NETO1: variants seen among roughly 807,000 people sequenced by gnomAD.
The protein encoded by NETO1 is neuropilin and tolloid like 1.
A neutral mutation model predicts 61.3 loss-of-function variants in NETO1; 26 were observed. That is an observed-to-expected ratio of 0.42 (90% CI 0.31 to 0.59). The LOEUF (loss-of-function observed/expected upper bound fraction) is 0.59, where lower values mean the gene tolerates loss of function less well. Ranked by LOEUF, NETO1 falls within the 20% of genes least tolerant of loss-of-function variation. The pLI, the probability that NETO1 is intolerant of heterozygous loss-of-function variation, is 0.12. For missense variants in NETO1, 531 were observed against 662.8 expected (o/e 0.80, Z 2.18); for synonymous variants, 225 against 225.8 (o/e 1.00, Z 0.03).
Position 72,858,821 on chromosome 18 carries a change from C to T in NETO1, c.469+5G>A. On this transcript the variant is annotated splice_donor_5th_base_variant and intron_variant, in intron 4 of 10. Coordinates refer to ENST00000327305, the MANE Select transcript of NETO1 (RefSeq NM_138966.5). The stretch of plus-strand genomic sequence containing the variant: ...AAGAAATTTTTTTTTTAAGTACTTA[C>T]TTACCAGGTGTGAAATTGTATCGAG... 1 of 1,597,362 alleles carries T rather than the reference C, an allele frequency of 6.3e-7. No homozygotes were observed. Among genetic ancestry groups the T allele is most frequent in the Non-Finnish European group, 8.5e-7 (1 of 1,174,334 alleles).
At chr18:72,773,666 G>T (rs949065085) in intron 7 of NETO1, among the ~76,000 whole-genome samples, 15 of 152,072 alleles carry the variant, frequency 9.9e-5, no homozygotes, top group African/African-American at 3.6e-4. Context: ...TTATTCTACT[G>T]GCATGCATTC....
chr18:72,820,210 G>A (rs1599071005), intron 4 of NETO1, among the ~76,000 whole-genome samples: 1 of 152,142 alleles, frequency 6.6e-6, no homozygotes, highest in East Asian at 1.9e-4. Flanking sequence ...ATGAGAGGAG[G>A]ACGAATAATT....
At chr18:72,774,872 G>A (rs897054795) in intron 7 of NETO1, among the ~76,000 whole-genome samples, 1 of 152,164 alleles carries the variant, frequency 6.6e-6, no homozygotes, top group African/African-American at 2.4e-5. Flanking sequence ...TGATTCAAAT[G>A]CAAAGTGCCA....
At chr18:72,827,967 A>G (rs1307729525) in intron 4 of NETO1, among the ~76,000 whole-genome samples, 2 of 152,198 alleles carry the variant, frequency 1.3e-5, no homozygotes, top group Non-Finnish European at 2.9e-5. Context: ...CAGAAACAGA[A>G]CAAGCCATAT....
rs778992621 is a variant in NETO1, at chr18:72,783,819, C to T, written c.727G>A (p.Val243Met). 7.4e-6 allele frequency: 12 copies of T among 1,614,046 alleles called. No individual in the cohort carries two copies. Among genetic ancestry groups the T allele is most frequent in the Admixed American group, 1.7e-5 (1 of 60,000 alleles). The change falls in exon 7 of 11, where the codon GTG (valine) becomes ATG (methionine). Residue 243 changes from valine to methionine, a missense_variant. Physicochemically the swap from Val to Met is conservative, Grantham distance 21. Coordinates refer to ENST00000327305, the MANE Select transcript of NETO1 (RefSeq NM_138966.5). Reference sequence around the variant, plus strand: ...CAGAACTTAGCTTTCAAATCCTCCACGGAACTGCTTCCATCATACACAGCC... The same window carrying T: ...CAGAACTTAGCTTTCAAATCCTCCATGGAACTGCTTCCATCATACACAGCC... ...FVAVYDGSSS[V>M]EDLKAKFCST...
At chr18:72,767,004 C>T (rs2071188316) in intron 7 of NETO1, among the ~76,000 whole-genome samples, 1 of 152,032 alleles carries the variant, frequency 6.6e-6, no homozygotes, top group South Asian at 2.1e-4. Context: ...ACTATTAGGC[C>T]CTGGACATGT....
chr18:72,803,474 G>A (rs904297773), intron 4 of NETO1, among the ~76,000 whole-genome samples: 1 of 152,148 alleles, frequency 6.6e-6, no homozygotes, highest in African/African-American at 2.4e-5. Context: ...GCTATCACTT[G>A]TTGAGCTTTG....
At chr18:72,859,204 A>G (rs2074496137) in intron 3 of NETO1, 130 bp from the exon 4 acceptor site, 1 of 897,798 alleles carries the variant, frequency 1.1e-6, no homozygotes, top group Non-Finnish European at 1.6e-6. Context: ...TAGAAATATA[A>G]AGAAAGCATA....
Position 72,794,164 on chromosome 18 carries a change from C to G in NETO1, c.592G>C (p.Glu198Gln), listed in dbSNP as rs762980649. The part of the protein sequence containing the change: ...IMKEGKATAS[E>Q]AVDCKWYIRA... ...ATGTACCACTTGCAATCAACAGCCTCGCTAGCAGTAGCTTTGCCTTCCTTC... is the reference window on the plus strand; with the variant it reads ...ATGTACCACTTGCAATCAACAGCCTGGCTAGCAGTAGCTTTGCCTTCCTTC... The change falls in exon 6 of 11, where the codon GAG becomes CAG. Residue 198 changes from glutamate to glutamine, a missense_variant. Coordinates refer to ENST00000327305, the MANE Select transcript of NETO1 (RefSeq NM_138966.5). The G allele has an allele frequency of 6.2e-7, 1 of 1,614,150 alleles. No individual in the cohort carries two copies. Among genetic ancestry groups the G allele is most frequent in the Non-Finnish European group, 8.5e-7 (1 of 1,180,022 alleles).
intron 4 of NETO1, among the ~76,000 whole-genome samples, chr18:72,810,586 C>A (rs1346178555): frequency 6.6e-6 from 1 of 152,222 alleles, no homozygotes; most frequent in African/African-American, 2.4e-5. Context: ...CTTCTTTCCA[C>A]TGGCATTTAG....
intron 3 of NETO1, among the ~76,000 whole-genome samples, chr18:72,863,880 T>C (rs2074655178): frequency 1.3e-5 from 2 of 152,100 alleles, no homozygotes; most frequent in South Asian, 4.1e-4. Context: ...ACTGAAAACT[T>C]CCATCACCAG....
chr18:72,800,802 A>T (rs551728665), intron 4 of NETO1, among the ~76,000 whole-genome samples: 37 of 152,232 alleles, frequency 2.4e-4, no homozygotes, highest in African/African-American at 8.4e-4. Flanking sequence ...ACTGAATTTA[A>T]CATGTCTCTT....
chr18:72,781,582 A>G (rs190774599), intron 7 of NETO1, among the ~76,000 whole-genome samples: 1 of 152,348 alleles, frequency 6.6e-6, no homozygotes, highest in Non-Finnish European at 1.5e-5. Flanking sequence ...AGACTTAGAA[A>G]GACTGAGTGA....
At chr18:72,813,686 A>C in intron 4 of NETO1, among the ~76,000 whole-genome samples, 1 of 152,324 alleles carries the variant, frequency 6.6e-6, no homozygotes, top group South Asian at 2.1e-4. Context: ...GACAGATTTA[A>C]TAAGACTATA....
At chr18:72,753,805 C>A (rs2070702067) in intron 8 of NETO1, among the ~76,000 whole-genome samples, 1 of 152,006 alleles carries the variant, frequency 6.6e-6, no homozygotes, top group Non-Finnish European at 1.5e-5. Context: ...ATAGTATAAA[C>A]AAGGTGGGAG....
At chr18:72,855,961 T>C (rs1364267743) in intron 4 of NETO1, among the ~76,000 whole-genome samples, 1 of 152,246 alleles carries the variant, frequency 6.6e-6, no homozygotes, top group Non-Finnish European at 1.5e-5. Context: ...CACCCAGGTA[T>C]GTTTGCTTGC....
At chr18:72,810,485 G>A (rs2072830169) in intron 4 of NETO1, among the ~76,000 whole-genome samples, 1 of 152,178 alleles carries the variant, frequency 6.6e-6, no homozygotes, top group Non-Finnish European at 1.5e-5. Context: ...CTTAAGGACT[G>A]TAAGAATGGA....
chr18:72,831,401 C>G (rs1444989310), intron 4 of NETO1, among the ~76,000 whole-genome samples: 1 of 152,168 alleles, frequency 6.6e-6, no homozygotes, highest in Admixed American at 6.5e-5. Context: ...AAAGGTACCT[C>G]AAATGAAAGA....
chr18:72,863,116 TC>T (rs1009640890), intron 3 of NETO1, among the ~76,000 whole-genome samples: 1 of 152,202 alleles, frequency 6.6e-6, no homozygotes, highest in African/African-American at 2.4e-5. Context: ...CCTCATTGTC[TC>T]CAACATAATG....
Sources: gnomAD v4.1 joint callset for allele counts (sites outside exome capture counted in the v4.1 genomes callset) on GRCh38, gnomAD v4.1.1 for gene constraint, MANE v1.5 for transcripts, NCBI Gene and HGNC (gene_info 2026-07-23, HGNC 2026-07-21) for gene names.